RELL1: variants seen among roughly 807,000 people sequenced by gnomAD.
RELL1 encodes the protein RELT-like protein 1.
A neutral mutation model predicts 23.0 loss-of-function variants in RELL1; 10 were observed. That is an observed-to-expected ratio of 0.43 (90% CI 0.27 to 0.74). The LOEUF is 0.74. Ranked by LOEUF, RELL1 falls within the 30% of genes least tolerant of loss-of-function variation. RELL1 has a pLI of 0.19. For missense variants in RELL1, 315 were observed against 364.4 expected, an observed-to-expected ratio of 0.86 and a Z score of 1.10; for synonymous variants, 146 against 146.8, an observed-to-expected ratio of 0.99 and a Z score of 0.04.
At chr4:37,634,136 C>T (rs928841635) in intron 5 of RELL1, among the ~76,000 whole-genome samples, 4 of 152,202 alleles carry the variant, frequency 2.6e-5, no homozygotes, top group Non-Finnish European at 5.9e-5. Context: ...CAGGTAAGGG[C>T]CAATGGATTC....
chr4:37,636,904 G>T (rs1158899036), intron 4 of RELL1, among the ~76,000 whole-genome samples: 1 of 152,174 alleles, frequency 6.6e-6, no homozygotes, highest in Non-Finnish European at 1.5e-5. Context: ...TGAGGAGACC[G>T]CCTCAAACAT....
At chr4:37,635,308 T>C (rs528006613) in intron 4 of RELL1, among the ~76,000 whole-genome samples, 185 bp from the exon 5 acceptor site, 67 of 152,256 alleles carry the variant, frequency 4.4e-4, no homozygotes, top group African/African-American at 1.6e-3. Context: ...GACCATGCGA[T>C]GACAGTTTAT....
chr4:37,637,517 C>T (rs11733542), intron 4 of RELL1, among the ~76,000 whole-genome samples: 23,385 of 152,168 alleles, frequency 0.15, 1,856 homozygotes, highest in East Asian at 0.24. Flanking sequence ...ACCTCCTGCA[C>T]GCCTGGTTCA....
In RELL1 at chr4:37,594,979, T is replaced by C. The variant is rs73807837; in HGVS notation, c.*4-3762A>G. On this transcript the variant is annotated intron_variant, in intron 6 of 6. Transcript: ENST00000314117. ...CTCCTTTCCTGGACTTGGACTTAAC[T>C]CTTCATCAAGGGCACTGCTTTTCAC... Among the ~76,000 whole-genome samples the C allele has an allele frequency of 9.4e-3, 1,431 of 152,356 alleles. 28 individuals carry two copies. The highest frequency in any genetic ancestry group is 0.033 in the African/African-American group (1,384 of 41,576).
At chr4:37,614,667 T>C (rs963298377) in intron 6 of RELL1, among the ~76,000 whole-genome samples, 15 of 145,066 alleles carry the variant, frequency 1.0e-4, no homozygotes, top group African/African-American at 3.8e-4. Flanking sequence ...CATATAAAAA[T>C]GGCCCTAAAA....
Position 37,660,314 on chromosome 4 carries a change from C to T in RELL1, c.89-10814G>A, listed in dbSNP as rs114784756. Among the ~76,000 whole-genome samples, 854 of 152,162 alleles carry T rather than the reference C, an allele frequency of 5.6e-3. 5 individuals carry two copies. Among genetic ancestry groups the T allele is most frequent in the Middle Eastern group, 0.017 (5 of 294 alleles). The stretch of plus-strand genomic sequence containing the variant: ...ATTACAAGCAGGAGCTGATGTTCTT[C>T]ATGATTCTCAAAATTCCACTATTCC... On this transcript the variant is annotated intron_variant, in intron 1 of 6. Coordinates refer to ENST00000454158, the MANE Select transcript of RELL1 (RefSeq NM_001085400.2).
chr4:37,605,415 G>A (rs1719164848), intron 6 of RELL1, among the ~76,000 whole-genome samples: 1 of 152,106 alleles, frequency 6.6e-6, no homozygotes, highest in Non-Finnish European at 1.5e-5. Context: ...GAAAATACAA[G>A]ACAAGATGAA....
At chr4:37,640,576 G>A (rs1038293093) in intron 3 of RELL1, among the ~76,000 whole-genome samples, 3 of 152,086 alleles carry the variant, frequency 2.0e-5, no homozygotes, top group Non-Finnish European at 4.4e-5. Flanking sequence ...AGATGCTCAG[G>A]TTCCTGATAT....
chr4:37,654,085 A>G (rs1049593606), intron 1 of RELL1, among the ~76,000 whole-genome samples: 1 of 152,248 alleles, frequency 6.6e-6, no homozygotes, highest in Non-Finnish European at 1.5e-5. Context: ...AGATTAAACA[A>G]TATTAATATG....
chr4:37,598,131 A>G (rs2939731), intron 6 of RELL1, among the ~76,000 whole-genome samples: 25,496 of 141,958 alleles, frequency 0.18, 2,758 homozygotes, highest in Non-Finnish European at 0.24. Flanking sequence ...AAATAACTGC[A>G]TTAGTCATGA....
intron 3 of RELL1, among the ~76,000 whole-genome samples, chr4:37,645,025 C>T (rs1040807330): frequency 4.6e-5 from 7 of 152,226 alleles, no homozygotes; most frequent in Non-Finnish European, 8.8e-5. Context: ...AAGAAAATGT[C>T]GAGATCACAG....
intron 1 of RELL1, among the ~76,000 whole-genome samples, chr4:37,651,623 A>G (rs1219381367): frequency 6.6e-6 from 1 of 152,210 alleles, no homozygotes; most frequent in Non-Finnish European, 1.5e-5. Flanking sequence ...CCCCACCTCC[A>G]TGCTGAAGAA....
At chr4:37,614,438 T>TA (rs923717143) in intron 6 of RELL1, among the ~76,000 whole-genome samples, 2 of 152,120 alleles carry the variant, frequency 1.3e-5, no homozygotes, top group African/African-American at 4.8e-5. Context: ...TCCCCTTAGC[T>TA]AAAAAGGAAA....
chr4:37,591,118 GT>G, exon 7 of RELL1: 1 of 799,114 alleles, frequency 1.3e-6, no homozygotes, highest in Non-Finnish European at 2.0e-6. Context: ...CTTACCAGTT[GT>G]TTACATCCAG....
chr4:37,686,262 G>A lies in RELL1; in HGVS notation c.26C>T (p.Ser9Phe). ...GAAGACAGCAGCGGCTAGGACGGCG[G>A]ACCCCGGGAGTGCCCGCGGAGCCAT... Reference protein sequence around the residue: MAPRALPGSAVLAAAVFVG... With the variant: MAPRALPGFAVLAAAVFVG... Residue 9 changes from serine (S) to phenylalanine (F), a missense_variant, in exon 1 of 7, where the codon TCC becomes TTC. Transcript: ENST00000454158. 6.4e-7 allele frequency: 1 copy of A among 1,555,812 alleles called. No homozygotes were observed.
At chr4:37,639,531 A>C (rs1298442448) in intron 3 of RELL1, among the ~76,000 whole-genome samples, 1 of 151,856 alleles carries the variant, frequency 6.6e-6, no homozygotes, top group Non-Finnish European at 1.5e-5. Flanking sequence ...CAAAAAAAAA[A>C]ACCTAATCTA....
At chr4:37,632,225 G>A (rs553439491) in intron 5 of RELL1, among the ~76,000 whole-genome samples, 10 of 151,958 alleles carry the variant, frequency 6.6e-5, no homozygotes, top group East Asian at 2.0e-4. Context: ...AGACTGGAGT[G>A]CAGTGGTACA....
chr4:37,587,789 C>T (rs576158209), downstream of RELL1, among the ~76,000 whole-genome samples: 32 of 152,088 alleles, frequency 2.1e-4, no homozygotes, highest in East Asian at 5.6e-3. Flanking sequence ...GCCAACGTGG[C>T]AAAACCCTGT....
intron 1 of RELL1, among the ~76,000 whole-genome samples, chr4:37,668,440 G>C (rs1721622072): frequency 6.6e-6 from 1 of 152,136 alleles, no homozygotes; most frequent in Non-Finnish European, 1.5e-5. Flanking sequence ...CTGGTCTCCA[G>C]CTCCTAACCG....
Sources: allele counts gnomAD v4.1 joint callset (sites outside exome capture counted in the v4.1 genomes callset), GRCh38; gene constraint gnomAD v4.1.1; transcripts MANE v1.5; gene names NCBI Gene and HGNC (gene_info 2026-07-23, HGNC 2026-07-21).